Variants in PDE10A observed in about 807,000 individuals in gnomAD.
PDE10A encodes the protein cAMP and cAMP-inhibited cGMP 3',5'-cyclic phosphodiesterase 10A.
A neutral mutation model predicts 97.7 loss-of-function variants in PDE10A; 39 were observed. The observed-to-expected ratio is 0.40, with a 90% confidence interval of 0.31 to 0.52. The LOEUF (loss-of-function observed/expected upper bound fraction) is 0.52, where lower values mean the gene tolerates loss of function less well. Ranked by LOEUF, PDE10A falls within the 20% of genes least tolerant of loss-of-function variation. The pLI is 0.56. For missense variants in PDE10A, 731 were observed against 1,047.8 expected, an observed-to-expected ratio of 0.70 and a Z score of 4.17; for synonymous variants, 371 against 376.8, an observed-to-expected ratio of 0.98 and a Z score of 0.18.
chr6:165,589,473 ACAAT>A (rs962265961), intron 1 of PDE10A, among the ~76,000 whole-genome samples: 2 of 152,268 alleles, frequency 1.3e-5, no homozygotes, highest in African/African-American at 4.8e-5. Flanking sequence ...TAAAATAAAG[ACAAT>A]CAAAAATGAA....
chr6:165,416,358 A>G (rs1788312845), intron 11 of PDE10A, 77 bp from the exon 12 acceptor site: 1 of 928,102 alleles, frequency 1.1e-6, no homozygotes, highest in African/African-American at 1.6e-5. Flanking sequence ...TCCATTGTTA[A>G]TAATATTGAA....
intron 1 of PDE10A, among the ~76,000 whole-genome samples, chr6:165,891,638 G>A (rs912467609): frequency 1.4e-4 from 22 of 152,270 alleles, no homozygotes; most frequent in African/African-American, 4.8e-4. Context: ...CCTACTCCAG[G>A]CTGCCGTAGG....
At chr6:165,741,645 G>A (rs1187106213) in intron 1 of PDE10A, among the ~76,000 whole-genome samples, 1 of 152,058 alleles carries the variant, frequency 6.6e-6, no homozygotes, top group Non-Finnish European at 1.5e-5. Context: ...AATATGCACA[G>A]CATACTATAT....
chr6:165,723,713 G>A (rs6922233), intron 1 of PDE10A, among the ~76,000 whole-genome samples: 106,234 of 152,124 alleles, frequency 0.7, 38,544 homozygotes, highest in African/African-American at 0.9. Context: ...AAGGTAGGAC[G>A]TGAATTTTAA....
At chr6:165,829,288 G>C (rs1371787738) in intron 1 of PDE10A, among the ~76,000 whole-genome samples, 1 of 152,228 alleles carries the variant, frequency 6.6e-6, no homozygotes, top group African/African-American at 2.4e-5. Flanking sequence ...GCCCAGTGCT[G>C]AGTCTTCCTC....
At chr6:165,981,895 A>G (rs1203542287) in intron 1 of PDE10A, among the ~76,000 whole-genome samples, 1 of 152,230 alleles carries the variant, frequency 6.6e-6, no homozygotes, top group Non-Finnish European at 1.5e-5. Flanking sequence ...TATTAGAAAC[A>G]TTAATCTGTT....
chr6:165,473,627 G>GA (rs5881650), intron 3 of PDE10A, among the ~76,000 whole-genome samples: 9 of 151,928 alleles, frequency 5.9e-5, no homozygotes, highest in South Asian at 4.2e-4. Flanking sequence ...TAAGTGGAGA[G>GA]AAAAAAAATG....
At chr6:165,374,963 G>A (rs942615720) in intron 18 of PDE10A, among the ~76,000 whole-genome samples, 1 of 152,044 alleles carries the variant, frequency 6.6e-6, no homozygotes, top group African/African-American at 2.4e-5. Context: ...GTAACTATTT[G>A]TGGGTGCCAT....
At chr6:165,634,713 G>T (rs1356874431) in intron 1 of PDE10A, among the ~76,000 whole-genome samples, 1 of 152,154 alleles carries the variant, frequency 6.6e-6, no homozygotes, top group African/African-American at 2.4e-5. Flanking sequence ...GTGAAAATTT[G>T]AACTCGTAGT....
intron 1 of PDE10A, among the ~76,000 whole-genome samples, chr6:165,875,731 GTTT>G (rs748111095): frequency 0.011 from 539 of 46,938 alleles, 11 homozygotes; most frequent in African/African-American, 0.041. Flanking sequence ...TTCTTTTACT[GTTT>G]TTTTTTTTTT....
At chr6:165,469,875 C>G (rs1465451511) in intron 3 of PDE10A, among the ~76,000 whole-genome samples, 1 of 152,146 alleles carries the variant, frequency 6.6e-6, no homozygotes, top group African/African-American at 2.4e-5. Context: ...CCATTCAAAG[C>G]CCACCACTTA....
chr6:165,685,774 T>C (rs1791097660), intron 1 of PDE10A, among the ~76,000 whole-genome samples: 1 of 152,138 alleles, frequency 6.6e-6, no homozygotes, highest in African/African-American at 2.4e-5. Context: ...TGGAGGATGC[T>C]GGAGGGAGGA....
At chr6:165,615,497 T>C (rs1053512006) in intron 1 of PDE10A, among the ~76,000 whole-genome samples, 1 of 152,174 alleles carries the variant, frequency 6.6e-6, no homozygotes, top group Non-Finnish European at 1.5e-5. Flanking sequence ...GATCAGGTGA[T>C]GATGAAAGCA....
intron 1 of PDE10A, among the ~76,000 whole-genome samples, chr6:165,788,546 A>T (rs1293532015): frequency 6.7e-6 from 1 of 149,924 alleles, no homozygotes; most frequent in African/African-American, 2.4e-5. Context: ...AAAAGAAAAG[A>T]AAAGAAAAAG....
intron 1 of PDE10A, among the ~76,000 whole-genome samples, chr6:165,796,638 A>G (rs1414063588): frequency 6.6e-6 from 1 of 152,234 alleles, no homozygotes; most frequent in Non-Finnish European, 1.5e-5. Flanking sequence ...TCACAAAATA[A>G]TAATAATTCT....
chr6:165,924,004 G>T (rs1360184368), intron 1 of PDE10A, among the ~76,000 whole-genome samples: 1 of 152,158 alleles, frequency 6.6e-6, no homozygotes, highest in Non-Finnish European at 1.5e-5. Context: ...AACATAGCAA[G>T]ACCTCACCTC....
At chr6:165,828,926 G>A (rs776925825) in intron 1 of PDE10A, among the ~76,000 whole-genome samples, 8 of 152,226 alleles carry the variant, frequency 5.3e-5, no homozygotes, top group African/African-American at 9.6e-5. Context: ...ACACGGCAGC[G>A]TTAATGAAAT....
At chr6:165,373,638 G>T (rs909698648) in intron 18 of PDE10A, among the ~76,000 whole-genome samples, 1 of 152,142 alleles carries the variant, frequency 6.6e-6, no homozygotes. Context: ...TGGTGGGACT[G>T]TAAACTAGTT....
intron 18 of PDE10A, among the ~76,000 whole-genome samples, chr6:165,365,561 A>G (rs1783714790): frequency 6.6e-6 from 1 of 152,074 alleles, no homozygotes; most frequent in Admixed American, 6.6e-5. Flanking sequence ...ATGACAAAAA[A>G]TGTAGCCAGG....
Sources: allele counts gnomAD v4.1 joint callset (sites outside exome capture counted in the v4.1 genomes callset), GRCh38; gene constraint gnomAD v4.1.1; transcripts MANE v1.5; gene names NCBI Gene and HGNC (gene_info 2026-07-23, HGNC 2026-07-21).